UBE3A: variants seen among roughly 807,000 people sequenced by gnomAD.
UBE3A encodes the protein ubiquitin protein ligase E3A.
In UBE3A, 6 loss-of-function variants were observed where a neutral mutation model predicts 83.4. That is an observed-to-expected ratio of 0.07 (90% confidence interval 0.04 to 0.14). The LOEUF (loss-of-function observed/expected upper bound fraction) is 0.14, where lower values mean the gene tolerates loss of function less well. Among genes scored for constraint, UBE3A ranks in the 10% least tolerant of loss-of-function variants. UBE3A has a pLI of 1.00. For missense variants in UBE3A, 456 were observed against 1,036.1 expected, an observed-to-expected ratio of 0.44 and a Z score of 7.69; for synonymous variants, 337 against 355.4, an observed-to-expected ratio of 0.95 and a Z score of 0.58.
intron 4 of UBE3A, among the ~76,000 whole-genome samples, chr15:25,390,939 T>C (rs1049913037): frequency 7.3e-6 from 1 of 137,912 alleles, no homozygotes. Flanking sequence ...AGAACTCCTG[T>C]AAAAAAAAAA....
chr15:25,354,350 C>T lies in UBE3A; in HGVS notation c.2354+3G>A, dbSNP rs1022436780. On this transcript the variant is annotated splice_donor_region_variant and intron_variant, in intron 11 of 12. Transcript: ENST00000648336. ...TCTTCCTCTGAAGAACTAAGTACCTCACCTAATCAGAACAGAGTCCCTGGT... is the reference window on the plus strand; with the variant it reads ...TCTTCCTCTGAAGAACTAAGTACCTTACCTAATCAGAACAGAGTCCCTGGT... 1 of 1,612,694 alleles carries T rather than the reference C, an allele frequency of 6.2e-7. No homozygotes were observed. The highest frequency in any genetic ancestry group is 8.5e-7 in the Non-Finnish European group (1 of 1,179,730).
intron 5 of UBE3A, 87 bp downstream of exon 5, chr15:25,375,378 G>A (rs551251676): frequency 3.4e-6 from 5 of 1,474,412 alleles, no homozygotes; most frequent in Admixed American, 4.4e-5. Flanking sequence ...TTATGTCACA[G>A]AAGAAAAAAC....
chr15:25,346,594 T>C (rs2075724335), intron 11 of UBE3A: 1 of 152,194 alleles, frequency 6.6e-6, no homozygotes, highest in Non-Finnish European at 1.5e-5. Flanking sequence ...ATCTTAATGC[T>C]GCCATCAGAG....
intron 4 of UBE3A, among the ~76,000 whole-genome samples, chr15:25,390,938 G>T (rs559683263): frequency 7.1e-6 from 1 of 139,984 alleles, no homozygotes; most frequent in Non-Finnish European, 1.5e-5. Context: ...TAGAACTCCT[G>T]TAAAAAAAAA....
rs371696163 is a variant in UBE3A at position 25,436,995 on chromosome 15, C to T, written c.-165+1494G>A. ...TAATTTTGTAAAGATTATAAGTTAC[C>T]TCTTCATATTCTGTTCTTTTATTTC... On this transcript the variant is annotated intron_variant, in intron 1 of 12. Coordinates refer to ENST00000648336, the MANE Select transcript of UBE3A (RefSeq NM_130839.5). 1.1e-4 allele frequency among the ~76,000 whole-genome samples: 16 copies of T among 152,002 alleles called. 2 individuals are homozygous for T. Among genetic ancestry groups the T allele is most frequent in the Admixed American group, 8.5e-4 (13 of 15,252 alleles).
chr15:25,435,014 ACACAC>A lies in UBE3A; in HGVS notation c.-165+3470_-165+3474del. ...CACACACACACACACACACACACAC[ACACAC>A]AAATACTAATACACTACGTGCCAGA... On this transcript the variant is annotated intron_variant, in intron 1 of 12. Coordinates refer to ENST00000648336, the MANE Select transcript of UBE3A (RefSeq NM_130839.5). 3.4e-5 allele frequency among the ~76,000 whole-genome samples: 5 copies of A among 147,426 alleles called. No homozygotes were observed. In the South Asian group the frequency reaches 8.7e-4, roughly 26 times the overall value.
chr15:25,397,125 A>G (rs1318908071), intron 4 of UBE3A, among the ~76,000 whole-genome samples: 2 of 152,196 alleles, frequency 1.3e-5, no homozygotes, highest in Admixed American at 6.5e-5. Context: ...CTGCCTGGCT[A>G]CAGTTTCTAG....
intron 1 of UBE3A, among the ~76,000 whole-genome samples, chr15:25,422,146 T>G (rs897408730): frequency 6.6e-6 from 1 of 152,126 alleles, no homozygotes; most frequent in Non-Finnish European, 1.5e-5. Context: ...ATTGGATGAA[T>G]CTCAAAAACA....
chr15:25,432,553 G>A lies in UBE3A; in HGVS notation c.-165+5936C>T, dbSNP rs79397968. Among the ~76,000 whole-genome samples the A allele has an allele frequency of 3.3e-3, 498 of 152,210 alleles. 7 individuals carry two copies. Among genetic ancestry groups the A allele is most frequent in the African/African-American group, 0.011 (459 of 41,536 alleles). On this transcript the variant is annotated intron_variant, in intron 1 of 12. Transcript: ENST00000648336. ...CTGAATTGCTGAAAGTATATACAAC[G>A]GGCACACATCCAGAACTAGGAAAGA...
rs2074235759 is a variant in UBE3A at position 25,338,840 on chromosome 15, C to A, written c.*297G>T. The A allele has an allele frequency of 1.2e-5, 2 of 160,534 alleles. No individual in the cohort carries two copies. Among genetic ancestry groups the A allele is most frequent in the East Asian group, 1.7e-4 (1 of 5,802 alleles). The allele number at this position is 160,534 out of a possible 1,614,324, so 9.9% of individuals were successfully genotyped here. A position where few individuals can be genotyped will look rare whatever the true frequency, so the allele number is the denominator to read the frequency against. ...CCCTTAAAATAAATATTCAGAAAAACCTCTCTGTACATACAAGTGAAAGAA... is the reference window on the plus strand; with the variant it reads ...CCCTTAAAATAAATATTCAGAAAAAACTCTCTGTACATACAAGTGAAAGAA... On this transcript the variant is annotated 3_prime_UTR_variant, in exon 13 of 13. Transcript: ENST00000648336.
chr15:25,406,990 C>G (rs1227201771), intron 3 of UBE3A: 5 of 1,056,310 alleles, frequency 4.7e-6, no homozygotes, highest in Non-Finnish European at 6.2e-6. Flanking sequence ...GTGGCAGTGA[C>G]TTGGCTGTGA....
At chr15:25,358,316 T>C (rs886157941) in intron 7 of UBE3A, among the ~76,000 whole-genome samples, 2 of 151,500 alleles carry the variant, frequency 1.3e-5, no homozygotes, top group Admixed American at 1.3e-4. Context: ...GAGGTGGAGG[T>C]TGCAGTGAGC....
chr15:25,398,448 T>G (rs896303222), intron 4 of UBE3A, among the ~76,000 whole-genome samples: 23 of 151,922 alleles, frequency 1.5e-4, no homozygotes, highest in African/African-American at 5.3e-4. Flanking sequence ...GACCAACACC[T>G]CTGCAACCCA....
chr15:25,405,331 C>T, intron 4 of UBE3A, 130 bp downstream of exon 4: 2 of 1,059,206 alleles, frequency 1.9e-6, no homozygotes, highest in South Asian at 2.7e-5. Context: ...AGGTATGTTC[C>T]TATCTCCCAT....
chr15:25,343,328 C>T (rs1380806640), intron 11 of UBE3A, among the ~76,000 whole-genome samples: 1 of 152,136 alleles, frequency 6.6e-6, no homozygotes, highest in Non-Finnish European at 1.5e-5. Context: ...AAACTAGTAA[C>T]ACCACATTCC....
At chr15:25,406,468 T>A (rs1211846593) in intron 3 of UBE3A, among the ~76,000 whole-genome samples, 1 of 152,148 alleles carries the variant, frequency 6.6e-6, no homozygotes, top group Non-Finnish European at 1.5e-5. Flanking sequence ...TGAATCAGTA[T>A]TTCCCTATCT....
chr15:25,377,975 A>C (rs79064231), intron 4 of UBE3A, among the ~76,000 whole-genome samples: 1 of 131,046 alleles, frequency 7.6e-6, no homozygotes, highest in East Asian at 5.6e-4. Context: ...GATGTGATTA[A>C]GTGAGTTTTA....
At position 25,430,027 on chromosome 15, in the gene UBE3A, C is replaced by CTATATATA. The variant is rs199950859; in HGVS notation, c.-165+8454_-165+8461dup. Among the ~76,000 whole-genome samples the CTATATATA allele has an allele frequency of 1.2e-3, 77 of 66,172 alleles. 14 individuals are homozygous for CTATATATA. The highest frequency in any genetic ancestry group is 9.0e-3 in the African/African-American group (74 of 8,202). The allele number at this position is 66,172 out of a possible 152,430, so 43.4% of individuals were successfully genotyped here. A position where few individuals can be genotyped will look rare whatever the true frequency, so the allele number is the denominator to read the frequency against. On this transcript the variant is annotated intron_variant, in intron 1 of 12. Coordinates refer to ENST00000648336, the MANE Select transcript of UBE3A (RefSeq NM_130839.5). ...CTCAGGAGGAAAAACAAAAAAAAAC[C>CTATATATA]TATATATATATATATATATATATTT... is the stretch of plus-strand genomic sequence containing the variant.
At chr15:25,376,355 G>T (rs1819083559) in intron 4 of UBE3A, among the ~76,000 whole-genome samples, 1 of 152,258 alleles carries the variant, frequency 6.6e-6, no homozygotes, top group African/African-American at 2.4e-5. Context: ...AAAGAAAGCG[G>T]CTGCAGCCTG....
Sources: gnomAD v4.1 joint callset for allele counts (sites outside exome capture counted in the v4.1 genomes callset) on GRCh38, gnomAD v4.1.1 for gene constraint, MANE v1.5 for transcripts, NCBI Gene and HGNC (gene_info 2026-07-23, HGNC 2026-07-21) for gene names.